The following RAPGEF5 variants were observed in gnomAD, a reference collection of about 807,000 sequenced individuals.
RAPGEF5 encodes the protein Rap guanine nucleotide exchange factor 5.
RAPGEF5 carries 65 observed loss-of-function variants against 125.2 expected under a neutral mutation model. The ratio of observed to expected loss-of-function variants is 0.52; its 90% confidence interval spans 0.43 to 0.64. The LOEUF (loss-of-function observed/expected upper bound fraction) is 0.64, where lower values mean the gene tolerates loss of function less well. Among genes scored for constraint, RAPGEF5 ranks in the 30% least tolerant of loss-of-function variants. The pLI is 0.00. For missense variants in RAPGEF5, 958 were observed against 1,048.1 expected, an observed-to-expected ratio of 0.91 and a Z score of 1.19; for synonymous variants, 391 against 385.9, an observed-to-expected ratio of 1.01 and a Z score of -0.16.
At chr7:22,192,525 T>C (rs186153172) in intron 11 of RAPGEF5, 4 of 152,320 alleles carry the variant, frequency 2.6e-5, no homozygotes, top group Admixed American at 1.3e-4. Context: ...ACAGGTGCTA[T>C]GGTAGGAGCA....
chr7:22,140,715 G>GCTAT (rs1177264914), intron 20 of RAPGEF5, among the ~76,000 whole-genome samples: 1 of 152,104 alleles, frequency 6.6e-6, no homozygotes, highest in Non-Finnish European at 1.5e-5. Flanking sequence ...ACTTCTTGAG[G>GCTAT]CTATCCACTC....
chr7:22,234,090 T>C (rs1309087526), intron 7 of RAPGEF5, among the ~76,000 whole-genome samples: 1 of 152,182 alleles, frequency 6.6e-6, no homozygotes, highest in Non-Finnish European at 1.5e-5. Context: ...CAAGAATGCA[T>C]CTTGGGAGCA....
chr7:22,272,365 A>G (rs940753709), intron 6 of RAPGEF5, among the ~76,000 whole-genome samples: 7 of 106,994 alleles, frequency 6.5e-5, no homozygotes, highest in African/African-American at 2.3e-4. Flanking sequence ...AAAAAAAAAG[A>G]AGGAAAAAAA....
At chr7:22,240,209 CA>C (rs35460153) in intron 7 of RAPGEF5, among the ~76,000 whole-genome samples, 24,644 of 78,856 alleles carry the variant, frequency 0.31, 1,739 homozygotes, top group Admixed American at 0.35. Flanking sequence ...GACTCCACCT[CA>C]AAAAAAAAAA....
At chr7:22,237,861 T>A (rs931140802) in intron 7 of RAPGEF5, among the ~76,000 whole-genome samples, 1 of 152,112 alleles carries the variant, frequency 6.6e-6, no homozygotes, top group African/African-American at 2.4e-5. Flanking sequence ...TGAACAAAGG[T>A]AGTCAATTCA....
chr7:22,345,954 T>A (rs1784216513), intron 1 of RAPGEF5, among the ~76,000 whole-genome samples: 1 of 152,168 alleles, frequency 6.6e-6, no homozygotes, highest in African/African-American at 2.4e-5. Flanking sequence ...TTGATTTAAT[T>A]AGATCCCTTT....
intron 20 of RAPGEF5, among the ~76,000 whole-genome samples, chr7:22,144,385 C>A (rs918969828): frequency 6.6e-6 from 1 of 152,136 alleles, no homozygotes; most frequent in African/African-American, 2.4e-5. Flanking sequence ...AGAAGTAGTA[C>A]CCCTGCATTT....
At chr7:22,328,575 TATACCTACATAC>T (rs1562531036) in intron 1 of RAPGEF5, among the ~76,000 whole-genome samples, 3 of 152,256 alleles carry the variant, frequency 2.0e-5, no homozygotes, top group Non-Finnish European at 2.9e-5. Context: ...AAACGTATAC[TATACCTACATAC>T]ATACCTACAT....
intron 7 of RAPGEF5, among the ~76,000 whole-genome samples, chr7:22,240,195 G>A (rs1786292832): frequency 7.7e-6 from 1 of 130,356 alleles, no homozygotes; most frequent in African/African-American, 3.0e-5. Flanking sequence ...GGGCATCAGA[G>A]CAAGACTCCA....
intron 1 of RAPGEF5, among the ~76,000 whole-genome samples, chr7:22,353,756 G>T (rs969848622): frequency 1.3e-5 from 2 of 152,178 alleles, no homozygotes; most frequent in Non-Finnish European, 2.9e-5. Context: ...AGTGCAAAGA[G>T]TCTTAACCAG....
At chr7:22,318,430 G>T in intron 1 of RAPGEF5, among the ~76,000 whole-genome samples, 1 of 152,062 alleles carries the variant, frequency 6.6e-6, no homozygotes, top group East Asian at 1.9e-4. Flanking sequence ...GGATTTTCCT[G>T]CTCTCTAGGT....
intron 11 of RAPGEF5, among the ~76,000 whole-genome samples, chr7:22,178,276 A>G (rs1329293788): frequency 6.6e-6 from 1 of 152,198 alleles, no homozygotes; most frequent in Non-Finnish European, 1.5e-5. Context: ...TTCTAGATGA[A>G]TTCTCTATAT....
At chr7:22,144,931 C>T in intron 20 of RAPGEF5, 113 bp downstream of exon 20, 2 of 1,220,334 alleles carry the variant, frequency 1.6e-6, no homozygotes, top group Non-Finnish European at 2.2e-6. Context: ...TCATTTAACT[C>T]CATATTACAC....
In RAPGEF5 at chr7:22,150,514, A is replaced by C. The variant is rs775949518; in HGVS notation, c.1787-10T>G. On this transcript the variant is annotated splice_polypyrimidine_tract_variant and intron_variant, in intron 17 of 25. Coordinates refer to ENST00000665637, the MANE Select transcript of RAPGEF5 (RefSeq NM_012294.5). ...TGAAGTTCATGCTTTTCTTTATTTGAAAAAAAAAAAAAAAAAAGGAATAAT... is the reference window on the plus strand; with the variant it reads ...TGAAGTTCATGCTTTTCTTTATTTGCAAAAAAAAAAAAAAAAAGGAATAAT... 3.3e-5 allele frequency: 3 copies of C among 90,430 alleles called. No homozygotes were observed. Among genetic ancestry groups the C allele is most frequent in the African/African-American group, 4.6e-4 (1 of 2,164 alleles). The allele number at this position is 90,430 out of a possible 1,614,324, so 5.6% of individuals were successfully genotyped here.
In RAPGEF5 at chr7:22,168,199, G is replaced by A. The variant is rs1192401504; in HGVS notation, c.1205-1051C>T. Among the ~76,000 whole-genome samples, 3 of 152,166 alleles carry A rather than the reference G, an allele frequency of 2.0e-5. No homozygotes were observed. The South Asian group carries it at 6.2e-4, about 32-fold the overall frequency. On this transcript the variant is annotated intron_variant, in intron 11 of 25. Transcript: ENST00000665637. ...CCCTAGTATGATGTATTAGGAGGGG[G>A]TATTTGAGAGGTAATTAGGATTGGA...
rs1408152806 is a variant in RAPGEF5, at chr7:22,131,032, C to T, written c.2481+5G>A. The T allele has an allele frequency of 6.5e-7, 1 of 1,540,882 alleles. No individual in the cohort carries two copies. On this transcript the variant is annotated splice_donor_5th_base_variant and intron_variant, in intron 24 of 25. Coordinates refer to ENST00000665637, the MANE Select transcript of RAPGEF5 (RefSeq NM_012294.5). ...AAAAAGGGAGAAGTAATGAAATTTA[C>T]GTACCAGCTTTTCAAAATTGACAAG...
intron 15 of RAPGEF5, among the ~76,000 whole-genome samples, chr7:22,157,228 A>G (rs552889960): frequency 2.0e-5 from 3 of 152,366 alleles, no homozygotes; most frequent in South Asian, 2.1e-4. Flanking sequence ...CCTATAAGGT[A>G]TAAGTTATCA....
intron 3 of RAPGEF5, among the ~76,000 whole-genome samples, chr7:22,312,172 T>C (rs1783485648): frequency 6.6e-6 from 1 of 151,976 alleles, no homozygotes; most frequent in Non-Finnish European, 1.5e-5. Flanking sequence ...GTATAGATTC[T>C]GATGCGGTAA....
intron 7 of RAPGEF5, among the ~76,000 whole-genome samples, chr7:22,244,994 C>A (rs1383745164): frequency 6.6e-6 from 1 of 152,142 alleles, no homozygotes; most frequent in Non-Finnish European, 1.5e-5. Flanking sequence ...TATCTTTCAT[C>A]TTTTTGCTAA....
Sources: allele counts gnomAD v4.1 joint callset (sites outside exome capture counted in the v4.1 genomes callset), GRCh38; gene constraint gnomAD v4.1.1; transcripts MANE v1.5; gene names NCBI Gene and HGNC (gene_info 2026-07-23, HGNC 2026-07-21).